NRG2: variants seen among roughly 807,000 people sequenced by gnomAD.
The protein encoded by NRG2 is pro-neuregulin-2, membrane-bound isoform.
A neutral mutation model predicts 73.9 loss-of-function variants in NRG2; 27 were observed. That is an observed-to-expected ratio of 0.37 (90% CI 0.27 to 0.50). NRG2 has a LOEUF of 0.50. Among genes scored for constraint, NRG2 ranks in the 20% least tolerant of loss-of-function variants. The probability of loss-of-function intolerance (pLI) is 0.96; values close to 1 mark genes in which losing one functional copy is unlikely to be tolerated. For missense variants in NRG2, 1,126 were observed against 1,210.1 expected (o/e 0.93, Z 1.03); for synonymous variants, 532 against 541.0 (o/e 0.98, Z 0.23).
Position 139,958,130 on chromosome 5 carries a change from C to T in NRG2, c.701-70619G>A, listed in dbSNP as rs527984299. Among the ~76,000 whole-genome samples, 4 of 152,220 alleles carry T rather than the reference C, an allele frequency of 2.6e-5. No homozygotes were observed. In the South Asian group the frequency reaches 8.3e-4, roughly 32 times the overall value. On this transcript the variant is annotated intron_variant, in intron 1 of 9. Transcript: ENST00000361474. ...ATTCATCTTACAAAGCAATGCAAGG[C>T]CTGACTACAACTTTGCTCAGCCTCA...
In NRG2 at chr5:139,847,819, A is replaced by G; in HGVS notation, c.*98T>C. The G allele has an allele frequency of 1.3e-6, 1 of 755,740 alleles. No homozygotes were observed. Among genetic ancestry groups the G allele is most frequent in the Non-Finnish European group, 1.8e-6 (1 of 544,762 alleles). 46.8% of individuals were successfully genotyped at this position (755,740 alleles called of 1,614,324 possible). ...TTTTCCTTTTATAGAAAATAAAAAT[A>G]TTTTTATTTCTTTTTTCCTCCTTTC... On this transcript the variant is annotated 3_prime_UTR_variant, in exon 10 of 10. Coordinates refer to ENST00000361474, the MANE Select transcript of NRG2 (RefSeq NM_004883.3).
chr5:139,866,371 A>G (rs926359178), intron 4 of NRG2, among the ~76,000 whole-genome samples: 5 of 152,158 alleles, frequency 3.3e-5, no homozygotes, highest in Non-Finnish European at 7.3e-5. Flanking sequence ...TTCACCATGG[A>G]TGTTGTTTTT....
intron 1 of NRG2, among the ~76,000 whole-genome samples, chr5:139,967,329 A>T (rs1467826765): frequency 6.6e-6 from 1 of 152,180 alleles, no homozygotes; most frequent in Non-Finnish European, 1.5e-5. Flanking sequence ...GAGGAATAGA[A>T]AACCCACTCA....
intron 5 of NRG2, among the ~76,000 whole-genome samples, chr5:139,864,004 C>G (rs1010070663): frequency 4.6e-5 from 7 of 152,198 alleles, no homozygotes; most frequent in African/African-American, 1.7e-4. Flanking sequence ...CCAAGGCTAC[C>G]TACATGGTCC....
chr5:139,948,939 C>T (rs747528516), intron 1 of NRG2, among the ~76,000 whole-genome samples: 4 of 151,784 alleles, frequency 2.6e-5, no homozygotes, highest in African/African-American at 7.3e-5. Flanking sequence ...AGGCAAGCTC[C>T]GCAGCCACAG....
intron 1 of NRG2, among the ~76,000 whole-genome samples, chr5:139,952,182 AC>A (rs1214757424): frequency 1.3e-5 from 2 of 152,174 alleles, no homozygotes; most frequent in African/African-American, 4.8e-5. Flanking sequence ...CATAGTTGGC[AC>A]CCAATAAATG....
chr5:140,042,142 G>GCCTC (rs1480152583), intron 1 of NRG2, among the ~76,000 whole-genome samples: 1 of 151,894 alleles, frequency 6.6e-6, no homozygotes, highest in Non-Finnish European at 1.5e-5. Context: ...ACAGGCCAGC[G>GCCTC]CCTCCCTCCG....
intron 1 of NRG2, among the ~76,000 whole-genome samples, chr5:139,934,916 G>A (rs1013043302): frequency 6.6e-6 from 1 of 152,200 alleles, no homozygotes; most frequent in African/African-American, 2.4e-5. Context: ...TGTAATCCCA[G>A]CACTTTGGGA....
At chr5:139,900,354 T>C (rs1764796776) in intron 1 of NRG2, among the ~76,000 whole-genome samples, 1 of 152,174 alleles carries the variant, frequency 6.6e-6, no homozygotes, top group Non-Finnish European at 1.5e-5. Context: ...CAAAGATGAG[T>C]GAACGTACAT....
chr5:139,943,994 ATAT>A (rs954713702), intron 1 of NRG2, among the ~76,000 whole-genome samples: 4 of 152,170 alleles, frequency 2.6e-5, no homozygotes, highest in Non-Finnish European at 5.9e-5. Flanking sequence ...CACATCACAA[ATAT>A]TATTCTTTGT....
intron 5 of NRG2, among the ~76,000 whole-genome samples, chr5:139,861,105 G>A (rs549874675): frequency 1.3e-5 from 2 of 152,366 alleles, no homozygotes; most frequent in South Asian, 4.1e-4. Flanking sequence ...ATGTGGGTAA[G>A]CCATAATCCC....
At chr5:139,964,098 C>CA (rs1425802155) in intron 1 of NRG2, among the ~76,000 whole-genome samples, 1 of 152,200 alleles carries the variant, frequency 6.6e-6, no homozygotes, top group Non-Finnish European at 1.5e-5. Flanking sequence ...GCCTGGCCCC[C>CA]AAATTTGGCA....
chr5:140,014,214 G>A (rs1474156289), intron 1 of NRG2, among the ~76,000 whole-genome samples: 13 of 150,726 alleles, frequency 8.6e-5, no homozygotes, highest in Non-Finnish European at 1.5e-4. Context: ...GTCTCCAGTC[G>A]CTCAGGTAAA....
Position 140,042,485 on chromosome 5 carries a change from G to T in NRG2, c.585C>A (p.Ile195=), listed in dbSNP as rs1357770494. ...CVPLERNQRY[I]FFLEPTEQPL... is the part of the protein sequence containing the mutation. ...GCTGTTCCGTGGGCTCCAGGAAAAA[G>T]ATGTAGCGCTGGTTCCTTTCGAGCG... The change falls in exon 1 of 10, where the codon ATC becomes ATA. Residue 195 remains isoleucine (I), a synonymous_variant. Transcript: ENST00000361474. 2 of 1,613,798 alleles carry T rather than the reference G, an allele frequency of 1.2e-6. No individual in the cohort carries two copies. Among genetic ancestry groups the T allele is most frequent in the Non-Finnish European group, 1.7e-6 (2 of 1,179,914 alleles).
At chr5:139,901,144 C>T (rs1764863870) in intron 1 of NRG2, among the ~76,000 whole-genome samples, 1 of 152,240 alleles carries the variant, frequency 6.6e-6, no homozygotes, top group Non-Finnish European at 1.5e-5. Flanking sequence ...CCCAGCTGTA[C>T]CGCTGTGCCA....
chr5:139,899,710 G>A (rs1226184069), intron 1 of NRG2, among the ~76,000 whole-genome samples: 1 of 152,306 alleles, frequency 6.6e-6, no homozygotes, highest in South Asian at 2.1e-4. Flanking sequence ...CTCCACCCAA[G>A]AGCCCAGGAA....
chr5:140,018,670 GACA>G (rs1379080643), intron 1 of NRG2, among the ~76,000 whole-genome samples: 2 of 152,120 alleles, frequency 1.3e-5, no homozygotes, highest in Admixed American at 1.3e-4. Flanking sequence ...GATTTAAGAG[GACA>G]ACAAGCGCAT....
intron 3 of NRG2, among the ~76,000 whole-genome samples, chr5:139,879,385 A>C (rs1581844046): frequency 6.6e-6 from 1 of 152,228 alleles, no homozygotes; most frequent in African/African-American, 2.4e-5. Flanking sequence ...GAGACGCTGC[A>C]GTGGGTTGGG....
chr5:139,933,844 G>A (rs965632417), intron 1 of NRG2, among the ~76,000 whole-genome samples: 1 of 152,182 alleles, frequency 6.6e-6, no homozygotes, highest in African/African-American at 2.4e-5. Context: ...GGCCGTAAAA[G>A]CAAATCTCAG....
Sources: allele counts gnomAD v4.1 joint callset (sites outside exome capture counted in the v4.1 genomes callset), GRCh38; gene constraint gnomAD v4.1.1; transcripts MANE v1.5; gene names NCBI Gene and HGNC (gene_info 2026-07-23, HGNC 2026-07-21).